Variants in PRPSAP1 observed in about 807,000 individuals in gnomAD.
PRPSAP1 encodes the protein phosphoribosyl pyrophosphate synthetase associated protein 1.
PRPSAP1 carries 31 observed loss-of-function variants against 39.4 expected under a neutral mutation model. That is an observed-to-expected ratio of 0.79 (90% CI 0.59 to 1.06). The LOEUF is 1.06. PRPSAP1 is among the 50% of genes least tolerant of loss of function. PRPSAP1 has a pLI of 0.00. For missense variants in PRPSAP1, 430 were observed against 511.6 expected, an observed-to-expected ratio of 0.84 and a Z score of 1.54; for synonymous variants, 212 against 192.6, an observed-to-expected ratio of 1.10 and a Z score of -0.83.
At chr17:76,346,858 T>C (rs1401685735) in intron 2 of PRPSAP1, among the ~76,000 whole-genome samples, 1 of 151,832 alleles carries the variant, frequency 6.6e-6, no homozygotes, top group Non-Finnish European at 1.5e-5. Context: ...ATTGCACCAC[T>C]GCACTCCAGC....
intron 3 of PRPSAP1, among the ~76,000 whole-genome samples, chr17:76,335,641 G>T (rs1401746965): frequency 6.6e-6 from 1 of 152,122 alleles, no homozygotes; most frequent in African/African-American, 2.4e-5. Flanking sequence ...ACAGGTGTGA[G>T]CCACCACACC....
chr17:76,317,695 T>A (rs2071139688), intron 7 of PRPSAP1, among the ~76,000 whole-genome samples: 1 of 152,182 alleles, frequency 6.6e-6, no homozygotes, highest in South Asian at 2.1e-4. Context: ...GAAAACCACA[T>A]CTTCACTCGT....
At position 76,330,655 on chromosome 17, in the gene PRPSAP1, T is replaced by C. The variant is rs916103204; in HGVS notation, c.475A>G (p.Ile159Val). Residue 159 changes from isoleucine (I) to valine (V), a missense_variant, in exon 5 of 10, where the codon ATT becomes GTT. Coordinates refer to ENST00000446526, the MANE Select transcript of PRPSAP1 (RefSeq NM_002766.3). ...TTTTGATGAAGATCCATAGTGATAA[T>C]GTGAGTTAAACCTGAAATTTTAAAA... is the stretch of plus-strand genomic sequence containing the variant. ...SMLAKAGLTH[I>V]ITMDLHQKEI... The C allele has an allele frequency of 1.9e-6, 3 of 1,608,376 alleles. No homozygotes were observed. The highest frequency in any genetic ancestry group is 2.5e-6 in the Non-Finnish European group (3 of 1,176,644).
Position 76,353,676 on chromosome 17 carries a change from G to A in PRPSAP1, c.28C>T (p.Pro10Ser), listed in dbSNP as rs1160141140. MPKKLLLLP[P>S]PSASSAFRVP... ...CGGAAAGCCGAGGACGCGGAGGGCG[G>A]GGGCAACAGCAGCAGCTTCTTGGGC... The change falls in exon 1 of 10, where the codon CCG becomes TCG. Residue 10 changes from proline (P) to serine (S), a missense_variant. Physicochemically the swap from Pro to Ser is moderately conservative, Grantham distance 74. Coordinates refer to ENST00000446526, the MANE Select transcript of PRPSAP1 (RefSeq NM_002766.3). The A allele has an allele frequency of 2.0e-6, 3 of 1,516,766 alleles. No homozygotes were observed. The highest frequency in any genetic ancestry group is 1.2e-5 in the South Asian group (1 of 81,268). 94.0% of individuals were successfully genotyped at this position (1,516,766 alleles called of 1,614,324 possible).
At chr17:76,315,838 C>G (rs2071117759) in intron 7 of PRPSAP1, among the ~76,000 whole-genome samples, 1 of 150,494 alleles carries the variant, frequency 6.6e-6, no homozygotes, top group Admixed American at 6.6e-5. Flanking sequence ...CTTCAGCCTC[C>G]TAAGTAGCTG....
In PRPSAP1 at chr17:76,320,954, A is replaced by AT. The variant is rs577238882; in HGVS notation, c.782-7064dup. ...ATGCCACACCTGGCTAATTTTTTGTATTTTTTTTTGTAGAGACAAGGTTTC... is the reference window on the plus strand; with the variant it reads ...ATGCCACACCTGGCTAATTTTTTGTATTTTTTTTTTGTAGAGACAAGGTTTC... On this transcript the variant is annotated intron_variant, in intron 7 of 9. Transcript: ENST00000446526. Among the ~76,000 whole-genome samples the AT allele has an allele frequency of 9.4e-3, 1,344 of 143,686 alleles. 15 individuals carry two copies. Among genetic ancestry groups the AT allele is most frequent in the Middle Eastern group, 0.036 (9 of 250 alleles). The allele number at this position is 143,686 out of a possible 152,430, so 94.3% of individuals were successfully genotyped here.
chr17:76,329,796 T>C (rs2071301081), intron 6 of PRPSAP1, among the ~76,000 whole-genome samples: 2 of 152,144 alleles, frequency 1.3e-5, no homozygotes, highest in Admixed American at 6.5e-5. Flanking sequence ...ATTGCTTTCC[T>C]TTCTCTGAGA....
intron 7 of PRPSAP1, 126 bp downstream of exon 7, chr17:76,328,591 A>G (rs1405104923): frequency 4.2e-5 from 51 of 1,227,182 alleles, no homozygotes; most frequent in Non-Finnish European, 5.0e-5. Flanking sequence ...CCTGGGTGAC[A>G]GAGTGAGACT....
At position 76,343,604 on chromosome 17, in the gene PRPSAP1, G is replaced by A. The variant is rs192365190; in HGVS notation, c.290+1067C>T. 2.5e-3 allele frequency among the ~76,000 whole-genome samples: 387 copies of A among 152,318 alleles called. 2 individuals carry two copies. Among genetic ancestry groups the A allele is most frequent in the Non-Finnish European group, 3.8e-3 (261 of 68,028 alleles). Reference sequence around the variant, plus strand: ...AATCCCAAAACTTTGGGAGGCTGAGGTGCATGGATCACTTGAGGTCAGGAG... The same window carrying A: ...AATCCCAAAACTTTGGGAGGCTGAGATGCATGGATCACTTGAGGTCAGGAG... On this transcript the variant is annotated intron_variant, in intron 3 of 9. Transcript: ENST00000446526.
At chr17:76,349,299 C>T (rs1201690792) in intron 1 of PRPSAP1, among the ~76,000 whole-genome samples, 8 of 145,668 alleles carry the variant, frequency 5.5e-5, no homozygotes, top group East Asian at 2.0e-4. Flanking sequence ...AGCAAAACTC[C>T]GTCTCAAAAA....
chr17:76,312,517 G>C (rs1452703891), intron 9 of PRPSAP1, among the ~76,000 whole-genome samples: 6 of 151,676 alleles, frequency 4.0e-5, no homozygotes, highest in Admixed American at 2.6e-4. Context: ...AACATGCCCA[G>C]AACAGTTACA....
Position 76,353,727 on chromosome 17 carries a change from G to T in PRPSAP1, c.-24C>A. On this transcript the variant is annotated 5_prime_UTR_variant, in exon 1 of 10. Transcript: ENST00000446526. Reference sequence around the variant, plus strand: ...ATCGTCCGGCCCGCGGCGCGGTTACGACCGGCCCCGCGCGGGGCTGCACTC... The same window carrying T: ...ATCGTCCGGCCCGCGGCGCGGTTACTACCGGCCCCGCGCGGGGCTGCACTC... The T allele has an allele frequency of 7.0e-7, 1 of 1,438,062 alleles. No homozygotes were observed. Among genetic ancestry groups the T allele is most frequent in the South Asian group, 1.5e-5 (1 of 67,814 alleles). The allele number at this position is 1,438,062 out of a possible 1,614,324, so 89.1% of individuals were successfully genotyped here. A position where few individuals can be genotyped will look rare whatever the true frequency, so the allele number is the denominator to read the frequency against.
chr17:76,322,418 A>G (rs1031770744), intron 7 of PRPSAP1, among the ~76,000 whole-genome samples: 72 of 152,192 alleles, frequency 4.7e-4, no homozygotes, highest in African/African-American at 1.6e-3. Context: ...TTATCAAACA[A>G]CAGTCTTTCG....
At chr17:76,317,526 AAAAT>A (rs1281048762) in intron 7 of PRPSAP1, among the ~76,000 whole-genome samples, 12 of 152,332 alleles carry the variant, frequency 7.9e-5, no homozygotes, top group African/African-American at 2.4e-4. Flanking sequence ...CCATCTCAGA[AAAAT>A]AAATAAATAA....
At chr17:76,339,572 T>C (rs1243071798) in intron 3 of PRPSAP1, among the ~76,000 whole-genome samples, 1 of 151,756 alleles carries the variant, frequency 6.6e-6, no homozygotes, top group East Asian at 1.9e-4. Context: ...GGTGATGATA[T>C]TTTTGCTTTG....
chr17:76,333,607 T>A (rs1467870675), intron 3 of PRPSAP1, among the ~76,000 whole-genome samples: 1 of 151,648 alleles, frequency 6.6e-6, no homozygotes, highest in Non-Finnish European at 1.5e-5. Flanking sequence ...ATCATGCCAC[T>A]GCACTCCAGC....
chr17:76,313,576 G>A, intron 8 of PRPSAP1: 1 of 475,892 alleles, frequency 2.1e-6, no homozygotes, highest in Non-Finnish European at 3.8e-6. Context: ...GAATCCACAT[G>A]ATGAAGGTGA....
At chr17:76,340,757 G>A (rs1455174667) in intron 3 of PRPSAP1, among the ~76,000 whole-genome samples, 1 of 152,082 alleles carries the variant, frequency 6.6e-6, no homozygotes, top group Non-Finnish European at 1.5e-5. Flanking sequence ...GGGCGTAGTG[G>A]CACATGCCTG....
intron 3 of PRPSAP1, among the ~76,000 whole-genome samples, chr17:76,334,814 C>G (rs140066221): frequency 2.0e-5 from 3 of 152,140 alleles, no homozygotes; most frequent in South Asian, 4.1e-4. Flanking sequence ...AATGCCAAGT[C>G]TGGCATCAAA....
Sources: allele counts gnomAD v4.1 joint callset (sites outside exome capture counted in the v4.1 genomes callset), GRCh38; gene constraint gnomAD v4.1.1; transcripts MANE v1.5; gene names NCBI Gene and HGNC (gene_info 2026-07-23, HGNC 2026-07-21).